ADAMTS19: variants seen among roughly 807,000 people sequenced by gnomAD.
The protein encoded by ADAMTS19 is A disintegrin and metalloproteinase with thrombospondin motifs 19.
In ADAMTS19, 93 loss-of-function variants were observed where a neutral mutation model predicts 153.3. The ratio of observed to expected loss-of-function variants is 0.61; its 90% confidence interval spans 0.51 to 0.72. ADAMTS19 has a LOEUF of 0.72. Among genes scored for constraint, ADAMTS19 ranks in the 30% least tolerant of loss-of-function variants. The pLI is 0.00. For synonymous variants in ADAMTS19, 600 were observed against 556.6 expected (o/e 1.08, Z -1.10); for missense variants, 1,482 against 1,552.1 (o/e 0.95, Z 0.76).
chr5:129,708,501 A>ATT (rs796156662), intron 21 of ADAMTS19, among the ~76,000 whole-genome samples: 3 of 128,638 alleles, frequency 2.3e-5, no homozygotes, highest in African/African-American at 8.7e-5. Flanking sequence ...ATGAAATGAC[A>ATT]TTTTTTTTTT....
intron 14 of ADAMTS19, among the ~76,000 whole-genome samples, chr5:129,658,343 AAGAAAG>A (rs1259612364): frequency 8.9e-6 from 1 of 112,214 alleles, no homozygotes; most frequent in Non-Finnish European, 1.9e-5. Context: ...GAAAGAAAGA[AAGAAAG>A]AAAGAAAGAA....
intron 6 of ADAMTS19, among the ~76,000 whole-genome samples, chr5:129,535,068 G>A (rs1016436663): frequency 2.6e-5 from 4 of 152,146 alleles, no homozygotes; most frequent in African/African-American, 4.8e-5. Context: ...GGCCAGGACA[G>A]TCAGGCAGGA....
intron 18 of ADAMTS19, among the ~76,000 whole-genome samples, chr5:129,689,578 C>T (rs1375020519): frequency 1.3e-5 from 2 of 152,070 alleles, no homozygotes; most frequent in Admixed American, 6.5e-5. Flanking sequence ...GCACACACCA[C>T]CACACCCAGC....
chr5:129,581,441 G>T (rs538604524), intron 7 of ADAMTS19, among the ~76,000 whole-genome samples: 4 of 151,920 alleles, frequency 2.6e-5, no homozygotes, highest in African/African-American at 9.7e-5. Flanking sequence ...GTGACCAGTG[G>T]TGATATCCTC....
intron 21 of ADAMTS19, among the ~76,000 whole-genome samples, 174 bp downstream of exon 21, chr5:129,704,565 G>GT (rs1240433092): frequency 6.6e-6 from 1 of 152,014 alleles, no homozygotes; most frequent in Non-Finnish European, 1.5e-5. Context: ...ATAAAACTGT[G>GT]TTAAAAATGA....
chr5:129,530,214 G>A (rs1006622302), intron 6 of ADAMTS19, among the ~76,000 whole-genome samples: 2 of 152,144 alleles, frequency 1.3e-5, no homozygotes, highest in Non-Finnish European at 2.9e-5. Context: ...TGTGACCCAT[G>A]GTCAGGGAAG....
intron 20 of ADAMTS19, among the ~76,000 whole-genome samples, chr5:129,702,912 G>T (rs1256996626): frequency 1.2e-5 from 1 of 81,980 alleles, no homozygotes. Flanking sequence ...TTATGAATCA[G>T]GCATAGTTTG....
chr5:129,658,939 G>A (rs538824745), intron 15 of ADAMTS19, among the ~76,000 whole-genome samples: 29 of 152,228 alleles, frequency 1.9e-4, no homozygotes, highest in South Asian at 4.1e-4. Context: ...ATGCAAATAT[G>A]AAGTCATCTG....
chr5:129,567,158 T>C (rs1036991537), intron 7 of ADAMTS19, among the ~76,000 whole-genome samples: 152 of 152,184 alleles, frequency 1.0e-3, no homozygotes, highest in African/African-American at 3.6e-3. Context: ...GCCTTGAAAA[T>C]TGACAATTTA....
intron 12 of ADAMTS19, 84 bp from the exon 13 acceptor site, chr5:129,648,711 ATAT>A: frequency 3.8e-6 from 4 of 1,055,368 alleles, no homozygotes; most frequent in Non-Finnish European, 5.5e-6. Context: ...AAGGGGTTAT[ATAT>A]TATTAATATA....
At chr5:129,497,945 A>G (rs771954848) in intron 2 of ADAMTS19, among the ~76,000 whole-genome samples, 1 of 152,096 alleles carries the variant, frequency 6.6e-6, no homozygotes, top group Non-Finnish European at 1.5e-5. Flanking sequence ...TCAGATTTAC[A>G]TTAGATCATG....
At chr5:129,670,018 C>T (rs531163588) in intron 16 of ADAMTS19, among the ~76,000 whole-genome samples, 1 of 152,156 alleles carries the variant, frequency 6.6e-6, no homozygotes, top group South Asian at 2.1e-4. Flanking sequence ...AATTTCTATC[C>T]AGTAGTTCAT....
chr5:129,692,722 G>A (rs2127144914), intron 18 of ADAMTS19, among the ~76,000 whole-genome samples: 1 of 152,310 alleles, frequency 6.6e-6, no homozygotes, highest in Middle Eastern at 3.4e-3. Context: ...TGGAGGATGA[G>A]TACTGTTTTC....
Position 129,538,386 on chromosome 5 carries a change from T to C in ADAMTS19, c.1328+9709T>C, listed in dbSNP as rs140815532. Among the ~76,000 whole-genome samples the C allele has an allele frequency of 3.4e-3, 519 of 152,246 alleles. 1 individual carries two copies. Among genetic ancestry groups the C allele is most frequent in the African/African-American group, 0.012 (480 of 41,578 alleles). ...TTTGTTTCTCACCAACAAAATATAT[T>C]GTGGCATTAATTTTATTCCTTATTT... On this transcript the variant is annotated intron_variant, in intron 6 of 22. Transcript: ENST00000274487.
At chr5:129,479,757 G>A (rs1218838786) in intron 2 of ADAMTS19, among the ~76,000 whole-genome samples, 1 of 151,980 alleles carries the variant, frequency 6.6e-6, no homozygotes, top group African/African-American at 2.4e-5. Flanking sequence ...CCCTGCACCT[G>A]TATACCAAAA....
rs1397588369 is a variant in ADAMTS19 at position 129,578,459 on chromosome 5, C to CAT, written c.1373-18092_1373-18091dup. Among the ~76,000 whole-genome samples the CAT allele has an allele frequency of 2.6e-5, 4 of 150,986 alleles. No individual in the cohort carries two copies. In the East Asian group the frequency reaches 6.0e-4, roughly 22 times the overall value. ...ATGTATATATACACACATATACACACATATATATACTTTAAGTTCTGGGGT... is the reference window on the plus strand; with the variant it reads ...ATGTATATATACACACATATACACACATATATATATACTTTAAGTTCTGGGGT... On this transcript the variant is annotated intron_variant, in intron 7 of 22. Coordinates refer to ENST00000274487, the MANE Select transcript of ADAMTS19 (RefSeq NM_133638.6).
At chr5:129,622,638 T>C (rs1751832316) in intron 10 of ADAMTS19, among the ~76,000 whole-genome samples, 1 of 152,216 alleles carries the variant, frequency 6.6e-6, no homozygotes, top group Non-Finnish European at 1.5e-5. Context: ...GCTTCTATTT[T>C]AAATCCCATA....
rs567473003 is a variant in ADAMTS19, at chr5:129,636,808, G to T, written c.1771-5051G>T. Among the ~76,000 whole-genome samples the T allele has an allele frequency of 2.8e-4, 43 of 152,274 alleles. No individual in the cohort carries two copies. In the South Asian group the frequency reaches 4.8e-3, roughly 17 times the overall value. On this transcript the variant is annotated intron_variant, in intron 10 of 22. Coordinates refer to ENST00000274487, the MANE Select transcript of ADAMTS19 (RefSeq NM_133638.6). ...ACATTATGTAGTCAATGTTTATTAAGATTTATCCTCATTTTTATCAGTCTA... is the reference window on the plus strand; with the variant it reads ...ACATTATGTAGTCAATGTTTATTAATATTTATCCTCATTTTTATCAGTCTA...
intron 7 of ADAMTS19, among the ~76,000 whole-genome samples, chr5:129,581,394 T>C (rs1749508768): frequency 6.6e-6 from 1 of 152,144 alleles, no homozygotes; most frequent in African/African-American, 2.4e-5. Context: ...TGCATCGGGG[T>C]ATTTATAGTA....
Sources: allele counts gnomAD v4.1 joint callset (sites outside exome capture counted in the v4.1 genomes callset), GRCh38; gene constraint gnomAD v4.1.1; transcripts MANE v1.5; gene names NCBI Gene and HGNC (gene_info 2026-07-23, HGNC 2026-07-21).